NEGR1: variants seen among roughly 807,000 people sequenced by gnomAD.
NEGR1 encodes the protein IgLON family member 4.
Under a neutral mutation model 40.9 loss-of-function variants are expected in NEGR1, and 10 were observed. That is an observed-to-expected ratio of 0.24 (90% CI 0.15 to 0.42). The LOEUF (loss-of-function observed/expected upper bound fraction) is 0.42, where lower values mean the gene tolerates loss of function less well. Ranked by LOEUF, NEGR1 falls within the 10% of genes least tolerant of loss-of-function variation. NEGR1 has a pLI of 1.00. For missense variants in NEGR1, 352 were observed against 438.9 expected (o/e 0.80, Z 1.77); for synonymous variants, 185 against 166.8 (o/e 1.11, Z -0.84).
chr1:72,229,224 T>C (rs1265050619), intron 1 of NEGR1, among the ~76,000 whole-genome samples: 2 of 151,796 alleles, frequency 1.3e-5, no homozygotes, highest in African/African-American at 4.8e-5. Flanking sequence ...TAACATCACA[T>C]TCTACTACAA....
rs554005998 is a variant in NEGR1, at chr1:72,090,285, T to C, written c.177-154974A>G. Among the ~76,000 whole-genome samples the C allele has an allele frequency of 3.3e-5, 5 of 151,004 alleles. No individual in the cohort carries two copies. In the South Asian group the frequency reaches 1.0e-3, roughly 31 times the overall value. ...ACCAAAAAGTAATTCTGTATCTAGG[T>C]GATGGGGGCCAGGGAGGATCAAAAC... On this transcript the variant is annotated intron_variant, in intron 1 of 6. Coordinates refer to ENST00000357731, the MANE Select transcript of NEGR1 (RefSeq NM_173808.3).
At chr1:72,232,605 T>G (rs1246608230) in intron 1 of NEGR1, among the ~76,000 whole-genome samples, 1 of 152,094 alleles carries the variant, frequency 6.6e-6, no homozygotes, top group African/African-American at 2.4e-5. Flanking sequence ...AGCAATATTT[T>G]TTTTCTTTTA....
At chr1:71,842,820 G>C (rs11588157) in intron 2 of NEGR1, among the ~76,000 whole-genome samples, 1 of 152,064 alleles carries the variant, frequency 6.6e-6, no homozygotes, top group African/African-American at 2.4e-5. Flanking sequence ...TCTTAACTTA[G>C]CAAGCTCTGT....
At chr1:71,627,328 T>A (rs913744900) in intron 4 of NEGR1, among the ~76,000 whole-genome samples, 1 of 152,106 alleles carries the variant, frequency 6.6e-6, no homozygotes, top group Non-Finnish European at 1.5e-5. Flanking sequence ...TTATCTTATA[T>A]ATTATGCAAT....
intron 3 of NEGR1, among the ~76,000 whole-genome samples, chr1:71,723,638 C>T (rs556104390): frequency 7.9e-5 from 12 of 152,110 alleles, no homozygotes; most frequent in East Asian, 1.9e-4. Context: ...AGACCTCACC[C>T]TATGTACCCC....
intron 3 of NEGR1, among the ~76,000 whole-genome samples, chr1:71,737,507 G>A (rs1035202866): frequency 1.3e-5 from 2 of 152,122 alleles, no homozygotes; most frequent in African/African-American, 2.4e-5. Flanking sequence ...CACTATGCAA[G>A]TTGGTCATTT....
intron 4 of NEGR1, among the ~76,000 whole-genome samples, chr1:71,673,219 C>CAA (rs144846104): frequency 1.3e-5 from 2 of 148,942 alleles, no homozygotes; most frequent in African/African-American, 4.9e-5. Context: ...AGTGCATCTC[C>CAA]AAAAAAAAAC....
intron 1 of NEGR1, among the ~76,000 whole-genome samples, chr1:72,169,163 T>C (rs1263218367): frequency 6.6e-6 from 1 of 152,168 alleles, no homozygotes; most frequent in East Asian, 1.9e-4. Flanking sequence ...GAGTCAGATA[T>C]CCATACATAT....
intron 1 of NEGR1, among the ~76,000 whole-genome samples, chr1:72,215,099 A>C (rs1653751673): frequency 6.6e-6 from 1 of 152,134 alleles, no homozygotes; most frequent in African/African-American, 2.4e-5. Context: ...AACCTGACAA[A>C]AACAAGTAAT....
intron 6 of NEGR1, among the ~76,000 whole-genome samples, chr1:71,539,562 T>C (rs7556206): frequency 0.045 from 6,783 of 151,744 alleles, 514 homozygotes; most frequent in African/African-American, 0.15. Flanking sequence ...GTGTATATGA[T>C]GGAGTAAAGG....
intron 3 of NEGR1, among the ~76,000 whole-genome samples, chr1:71,722,628 G>A (rs1181250048): frequency 6.6e-6 from 1 of 152,004 alleles, no homozygotes; most frequent in Admixed American, 6.6e-5. Flanking sequence ...TTGGTCTTGG[G>A]CAAGCCTTTT....
intron 2 of NEGR1, among the ~76,000 whole-genome samples, chr1:71,822,511 C>T (rs1267737261): frequency 1.3e-5 from 2 of 151,946 alleles, no homozygotes; most frequent in Non-Finnish European, 2.9e-5. Context: ...TCAGCTCCCA[C>T]TTGTCAAGGC....
intron 1 of NEGR1, among the ~76,000 whole-genome samples, chr1:72,200,487 T>A (rs1022080955): frequency 6.6e-6 from 1 of 151,740 alleles, no homozygotes; most frequent in Non-Finnish European, 1.5e-5. Context: ...GACACAAAGA[T>A]GGCAACAATA....
intron 3 of NEGR1, among the ~76,000 whole-genome samples, chr1:71,768,413 A>T (rs1034952356): frequency 6.6e-6 from 1 of 152,194 alleles, no homozygotes; most frequent in Non-Finnish European, 1.5e-5. Flanking sequence ...GCTGGGTTTC[A>T]GAAATGCATA....
rs1287211246 is a variant in NEGR1, at chr1:72,041,941, TGA to T, written c.177-106632_177-106631del. On this transcript the variant is annotated intron_variant, in intron 1 of 6. Transcript: ENST00000357731. ...TACATGTTTATATATAATATATATT[TGA>T]GAGTCTCAAATATATATTATATATA... Among the ~76,000 whole-genome samples, 3 of 144,244 alleles carry T rather than the reference TGA, an allele frequency of 2.1e-5. No individual in the cohort carries two copies. The Admixed American group carries it at 2.1e-4, about 10-fold the overall frequency. 94.6% of individuals were successfully genotyped at this position (144,244 alleles called of 152,430 possible). A position where few individuals can be genotyped will look rare whatever the true frequency, so the allele number is the denominator to read the frequency against.
intron 2 of NEGR1, among the ~76,000 whole-genome samples, chr1:71,849,483 T>C (rs1208045482): frequency 2.0e-5 from 3 of 152,204 alleles, no homozygotes; most frequent in Non-Finnish European, 4.4e-5. Flanking sequence ...AGATGGAATC[T>C]ACTCCTGGCG....
intron 1 of NEGR1, among the ~76,000 whole-genome samples, chr1:72,105,691 G>A (rs903616075): frequency 7.0e-4 from 107 of 151,908 alleles, no homozygotes; most frequent in African/African-American, 2.5e-3. Context: ...CAAACATGGA[G>A]AGAGAGAGAG....
chr1:71,598,976 C>G (rs573405096), intron 5 of NEGR1, among the ~76,000 whole-genome samples: 2 of 152,218 alleles, frequency 1.3e-5, no homozygotes, highest in East Asian at 3.9e-4. Context: ...TTGTTATTCA[C>G]TGTATTCTAA....
chr1:71,527,104 T>A (rs1208497695), intron 6 of NEGR1, among the ~76,000 whole-genome samples: 1 of 151,580 alleles, frequency 6.6e-6, no homozygotes, highest in Non-Finnish European at 1.5e-5. Context: ...CACATATTTC[T>A]CTTATAGCAC....
Sources: gnomAD v4.1 joint callset for allele counts (sites outside exome capture counted in the v4.1 genomes callset) on GRCh38, gnomAD v4.1.1 for gene constraint, MANE v1.5 for transcripts, NCBI Gene and HGNC (gene_info 2026-07-23, HGNC 2026-07-21) for gene names.